Variants in CCDC85A observed in about 807,000 individuals in gnomAD.
CCDC85A encodes coiled-coil domain containing 85A.
A neutral mutation model predicts 50.2 loss-of-function variants in CCDC85A; 38 were observed. The ratio of observed to expected loss-of-function variants is 0.76; its 90% CI spans 0.58 to 0.99. The LOEUF (loss-of-function observed/expected upper bound fraction) is 0.99. Among genes scored for constraint, CCDC85A ranks in the 50% least tolerant of loss-of-function variants. The pLI, the probability that CCDC85A is intolerant of heterozygous loss-of-function variation, is 0.00. For missense variants in CCDC85A, 820 were observed against 742.0 expected, an observed-to-expected ratio of 1.11 and a Z score of -1.22; for synonymous variants, 366 against 301.4, an observed-to-expected ratio of 1.21 and a Z score of -2.22.
At chr2:56,264,872 T>C (rs978399489) in intron 2 of CCDC85A, among the ~76,000 whole-genome samples, 1 of 152,198 alleles carries the variant, frequency 6.6e-6, no homozygotes, top group African/African-American at 2.4e-5. Flanking sequence ...AGTAGGCCCT[T>C]GCATGTGCTT....
intron 2 of CCDC85A, among the ~76,000 whole-genome samples, chr2:56,241,222 T>C (rs1669242631): frequency 6.6e-6 from 1 of 152,174 alleles, no homozygotes; most frequent in African/African-American, 2.4e-5. Flanking sequence ...ATATGGCATA[T>C]GAGATATTTT....
intron 2 of CCDC85A, among the ~76,000 whole-genome samples, chr2:56,304,167 A>G (rs1033726035): frequency 1.3e-5 from 2 of 152,184 alleles, no homozygotes; most frequent in Non-Finnish European, 2.9e-5. Context: ...GTTAACTAAA[A>G]TCCAAAGCCA....
intron 2 of CCDC85A, among the ~76,000 whole-genome samples, chr2:56,296,686 A>G (rs79738627): frequency 0.13 from 20,458 of 152,190 alleles, 1,563 homozygotes; most frequent in East Asian, 0.32. Context: ...CATCTGGGGC[A>G]TGAGGGAAGG....
At chr2:56,258,798 A>C (rs1670095231) in intron 2 of CCDC85A, among the ~76,000 whole-genome samples, 1 of 152,212 alleles carries the variant, frequency 6.6e-6, no homozygotes, top group Non-Finnish European at 1.5e-5. Flanking sequence ...AGAAATGAGG[A>C]AGAAACTGAA....
At chr2:56,249,266 T>C (rs12613716) in intron 2 of CCDC85A, among the ~76,000 whole-genome samples, 30,740 of 152,182 alleles carry the variant, frequency 0.2, 3,212 homozygotes, top group East Asian at 0.28. Flanking sequence ...CAGAGGGATG[T>C]ACCAATGCCA....
Position 56,192,461 on chromosome 2 carries a change from G to T in CCDC85A, c.277-16G>T. ...AGATGTGTACTTCCCTTGAATGGTT[G>T]TGTCTCTCTTTTCAGGATATCAACC... On this transcript the variant is annotated splice_polypyrimidine_tract_variant and intron_variant, in intron 1 of 5. Coordinates refer to ENST00000407595, the MANE Select transcript of CCDC85A (RefSeq NM_001080433.2). The surrounding 1 kb of genome is among the most constrained non-coding windows in gnomAD (Gnocchi z 4.7). 1 of 1,594,008 alleles carries T rather than the reference G, an allele frequency of 6.3e-7. No homozygotes were observed. The highest frequency in any genetic ancestry group is 8.5e-7 in the Non-Finnish European group (1 of 1,170,266).
chr2:56,239,903 A>G (rs536041271), intron 2 of CCDC85A, among the ~76,000 whole-genome samples: 24 of 152,148 alleles, frequency 1.6e-4, no homozygotes, highest in African/African-American at 5.5e-4. Context: ...ATATATTTAT[A>G]TCTGTTTTAT....
intron 2 of CCDC85A, among the ~76,000 whole-genome samples, chr2:56,211,169 A>T (rs1677164758): frequency 6.6e-6 from 1 of 152,088 alleles, no homozygotes; most frequent in South Asian, 2.1e-4. Context: ...CAGTGTTCAT[A>T]GGAGGGTAAA....
intron 4 of CCDC85A, among the ~76,000 whole-genome samples, chr2:56,375,485 C>T (rs549427919): frequency 7.9e-5 from 12 of 152,242 alleles, no homozygotes; most frequent in African/African-American, 2.6e-4. Context: ...ATGTTTAACT[C>T]AGCTATGGAG....
chr2:56,340,480 A>T (rs1157303004), intron 2 of CCDC85A, among the ~76,000 whole-genome samples: 1 of 152,166 alleles, frequency 6.6e-6, no homozygotes, highest in African/African-American at 2.4e-5. Context: ...AAACCATATG[A>T]GTCTGCAGCA....
chr2:56,289,977 C>T (rs1205946434), intron 2 of CCDC85A, among the ~76,000 whole-genome samples: 2 of 152,086 alleles, frequency 1.3e-5, no homozygotes, highest in East Asian at 3.9e-4. Context: ...CAAACCTTAT[C>T]CCAGAGGGGT....
At chr2:56,302,272 T>A (rs996380815) in intron 2 of CCDC85A, among the ~76,000 whole-genome samples, 3 of 151,874 alleles carry the variant, frequency 2.0e-5, no homozygotes, top group Non-Finnish European at 4.4e-5. Context: ...ATAAGAATAA[T>A]AAATAAATAA....
intron 3 of CCDC85A, among the ~76,000 whole-genome samples, chr2:56,368,387 G>A (rs1315919965): frequency 2.0e-5 from 3 of 152,008 alleles, no homozygotes; most frequent in Admixed American, 1.3e-4. Context: ...TTATTTATTT[G>A]CTAGGACAGT....
intron 2 of CCDC85A, among the ~76,000 whole-genome samples, chr2:56,200,797 A>G (rs1275609720): frequency 6.6e-6 from 1 of 152,016 alleles, no homozygotes; most frequent in Non-Finnish European, 1.5e-5. Context: ...AGTAAAATTT[A>G]TGTGTATTAT....
chr2:56,344,554 C>T (rs1674537737), intron 3 of CCDC85A, among the ~76,000 whole-genome samples: 1 of 152,176 alleles, frequency 6.6e-6, no homozygotes, highest in African/African-American at 2.4e-5. Flanking sequence ...TCTTCTCAAA[C>T]TGTACATGTG....
At chr2:56,381,667 C>T (rs1676591865) in intron 5 of CCDC85A, among the ~76,000 whole-genome samples, 1 of 152,054 alleles carries the variant, frequency 6.6e-6, no homozygotes, top group Non-Finnish European at 1.5e-5. Flanking sequence ...AAGTGAAAAG[C>T]ACCCTATCTT....
chr2:56,349,312 G>C (rs4672110), intron 3 of CCDC85A, among the ~76,000 whole-genome samples: 47,387 of 151,982 alleles, frequency 0.31, 10,097 homozygotes, highest in African/African-American at 0.6. Flanking sequence ...AGGAAAAAGG[G>C]TTTTATGTGT....
intron 2 of CCDC85A, among the ~76,000 whole-genome samples, chr2:56,336,138 TAC>T (rs1248253919): frequency 3.3e-5 from 5 of 152,066 alleles, no homozygotes; most frequent in African/African-American, 1.2e-4. Flanking sequence ...TTTCCTCATA[TAC>T]ACTCTTTATT....
At chr2:56,282,407 G>A (rs10201282) in intron 2 of CCDC85A, among the ~76,000 whole-genome samples, 15,402 of 152,234 alleles carry the variant, frequency 0.1, 2,563 homozygotes, top group African/African-American at 0.35. Context: ...ATATATTAAA[G>A]TAATTGTATC....
Sources: allele counts gnomAD v4.1 joint callset (sites outside exome capture counted in the v4.1 genomes callset), GRCh38; gene constraint gnomAD v4.1.1; non-coding constraint Gnocchi (gnomAD v3.1); transcripts MANE v1.5; gene names NCBI Gene and HGNC (gene_info 2026-07-23, HGNC 2026-07-21).